The following ADAM20 variants were observed in gnomAD, a reference collection of about 807,000 sequenced individuals.
ADAM20 encodes ADAM metallopeptidase domain 20.
For synonymous variants in ADAM20, 305 were observed against 310.2 expected (o/e 0.98, Z 0.18); for missense variants, 871 against 883.2 (o/e 0.99, Z 0.18).
chr14:70,570,227 A>C, the ADAM20 span, among the ~76,000 whole-genome samples: 3 of 152,166 alleles, frequency 2.0e-5, no homozygotes, highest in Non-Finnish European at 4.4e-5. Context: ...TCATATCTAA[A>C]GGACTTAGGA....
At chr14:70,575,207 T>C in the ADAM20 span, among the ~76,000 whole-genome samples, 1 of 150,988 alleles carries the variant, frequency 6.6e-6, no homozygotes, top group Non-Finnish European at 1.5e-5. Context: ...TATATATATA[T>C]TTTTTGAGGC....
At chr14:70,538,515 T>TA (rs764802523), upstream of ADAM20, among the ~76,000 whole-genome samples, 42 of 152,254 alleles carry the variant, frequency 2.8e-4, no homozygotes, top group Non-Finnish European at 5.1e-4. Context: ...TTTCTCTTCA[T>TA]AAATCTTGTT....
In ADAM20 at chr14:70,524,633, A is replaced by C; in HGVS notation, c.125T>G (p.Val42Gly). The change falls in exon 2 of 2, where the codon GTG becomes GGG. Residue 42 changes from valine to glycine, a missense_variant. Coordinates refer to ENST00000256389, the MANE Select transcript of ADAM20 (RefSeq NM_003814.5). Reference protein sequence around the residue: ...RPSQYFTSPEVVIPLKVISRG... With the variant: ...RPSQYFTSPEGVIPLKVISRG... ...GCTGATCACCTTCAAAGGGATCACC[A>C]CTTCTGGAGAAGTGAAATACTGGGA... 6.2e-7 allele frequency: 1 copy of C among 1,613,996 alleles called. No individual in the cohort carries two copies. Among genetic ancestry groups the C allele is most frequent in the Non-Finnish European group, 8.5e-7 (1 of 1,179,948 alleles).
At chr14:70,532,569 A>G (rs1336820351) in intron 1 of ADAM20, among the ~76,000 whole-genome samples, 2 of 152,204 alleles carry the variant, frequency 1.3e-5, no homozygotes, top group Non-Finnish European at 2.9e-5. Flanking sequence ...TTACCATCCA[A>G]TGTTAATTGT....
chr14:70,568,888 A>G, the ADAM20 span, among the ~76,000 whole-genome samples: 1 of 152,168 alleles, frequency 6.6e-6, no homozygotes, highest in Admixed American at 6.5e-5. Context: ...ATTTGAGGAA[A>G]TAATTCAGGA....
chr14:70,570,384 T>A, the ADAM20 span, among the ~76,000 whole-genome samples: 1 of 151,972 alleles, frequency 6.6e-6, no homozygotes, highest in Admixed American at 6.6e-5. Context: ...CTAGCAAGAT[T>A]ACTCAAGAAA....
the ADAM20 span, among the ~76,000 whole-genome samples, chr14:70,577,024 A>G: frequency 6.6e-6 from 1 of 152,210 alleles, no homozygotes; most frequent in South Asian, 2.1e-4. Flanking sequence ...GCCTAGGTAC[A>G]AGAACAAGCA....
chr14:70,531,119 C>T (rs917548490), intron 1 of ADAM20, among the ~76,000 whole-genome samples: 9 of 151,820 alleles, frequency 5.9e-5, no homozygotes, highest in Non-Finnish European at 1.2e-4. Context: ...AAACAAAAAT[C>T]AGAAATGAAA....
intron 1 of ADAM20, among the ~76,000 whole-genome samples, chr14:70,526,147 T>C (rs1883585909): frequency 6.6e-6 from 1 of 152,226 alleles, no homozygotes; most frequent in African/African-American, 2.4e-5. Context: ...AAGTAAAAGC[T>C]AACTTTGCTC....
chr14:70,527,100 A>T (rs747473885), intron 1 of ADAM20, among the ~76,000 whole-genome samples: 2 of 152,198 alleles, frequency 1.3e-5, no homozygotes, highest in Non-Finnish European at 2.9e-5. Flanking sequence ...AAACTAAGCT[A>T]AATTTCTTAT....
Position 70,522,373 on chromosome 14 carries a change from C to G in ADAM20, c.*204G>C. Reference sequence around the variant, plus strand: ...AAGACACAACTTCTGGGAAAAGGAACCTTTAATATTGCTTAAGACACTGTA... The same window carrying G: ...AAGACACAACTTCTGGGAAAAGGAAGCTTTAATATTGCTTAAGACACTGTA... On this transcript the variant is annotated 3_prime_UTR_variant, in exon 2 of 2. Transcript: ENST00000256389. 2.0e-6 allele frequency: 1 copy of G among 505,560 alleles called. No individual in the cohort carries two copies. The highest frequency in any genetic ancestry group is 3.4e-6 in the Non-Finnish European group (1 of 296,650). The allele number at this position is 505,560 out of a possible 1,614,324, so 31.3% of individuals were successfully genotyped here.
At chr14:70,539,583 TC>T (rs1485694084), upstream of ADAM20, among the ~76,000 whole-genome samples, 1 of 152,242 alleles carries the variant, frequency 6.6e-6, no homozygotes, top group African/African-American at 2.4e-5. Context: ...ACATCCTGTT[TC>T]TATGGATTGT....
the ADAM20 span, among the ~76,000 whole-genome samples, chr14:70,561,914 T>C: frequency 2.0e-5 from 3 of 152,212 alleles, no homozygotes. Flanking sequence ...ATGGAGAATC[T>C]CTACTAGGGC....
rs770014559 is a variant in ADAM20 at position 70,523,940 on chromosome 14, T to C, written c.818A>G (p.Asp273Gly). 1.2e-6 allele frequency: 2 copies of C among 1,614,034 alleles called. No individual in the cohort carries two copies. Among genetic ancestry groups the C allele is most frequent in the Non-Finnish European group, 1.7e-6 (2 of 1,179,960 alleles). The change falls in exon 2 of 2, where the codon GAT (aspartate) becomes GGT (glycine). Residue 273 changes from aspartate (D) to glycine (G), a missense_variant. By Grantham distance (94) the Asp-to-Gly change is moderately conservative. Coordinates refer to ENST00000256389, the MANE Select transcript of ADAM20 (RefSeq NM_003814.5). Reference sequence around the variant, plus strand: ...AATAGAAAAGTCCTCTAAAACATTATCTAGGTCTCCACTGGTAGGAAGTGG... The same window carrying C: ...AATAGAAAAGTCCTCTAAAACATTACCTAGGTCTCCACTGGTAGGAAGTGG... ...SNPLPTSGDL[D>G]NVLEDFSIWK...
the ADAM20 span, among the ~76,000 whole-genome samples, chr14:70,549,151 GA>G: frequency 1.2e-5 from 1 of 86,416 alleles, no homozygotes; most frequent in African/African-American, 5.5e-5. Context: ...GCTCCTGAAG[GA>G]AGCGCTAAAC....
chr14:70,529,205 C>T (rs962266441), intron 1 of ADAM20, among the ~76,000 whole-genome samples: 3 of 152,110 alleles, frequency 2.0e-5, no homozygotes, highest in Non-Finnish European at 4.4e-5. Context: ...ACACACAGAA[C>T]ATTCTACCCA....
the ADAM20 span, among the ~76,000 whole-genome samples, chr14:70,541,652 T>A: frequency 6.6e-6 from 1 of 152,202 alleles, no homozygotes; most frequent in Admixed American, 6.5e-5. Flanking sequence ...TTGGCTTATT[T>A]GGTATAAAAG....
chr14:70,531,715 A>G (rs1026468719), intron 1 of ADAM20, among the ~76,000 whole-genome samples: 1 of 152,098 alleles, frequency 6.6e-6, no homozygotes, highest in African/African-American at 2.4e-5. Flanking sequence ...CTAACAATAA[A>G]TCACCTGAAA....
upstream of ADAM20, among the ~76,000 whole-genome samples, chr14:70,535,838 T>C (rs528998028): frequency 5.3e-5 from 8 of 152,162 alleles, no homozygotes; most frequent in Non-Finnish European, 2.9e-5. Flanking sequence ...ATAAAGTGGA[T>C]ATACTTTATA....
Sources: gnomAD v4.1 joint callset for allele counts (sites outside exome capture counted in the v4.1 genomes callset) on GRCh38, gnomAD v4.1.1 for gene constraint, MANE v1.5 for transcripts, NCBI Gene and HGNC (gene_info 2026-07-23, HGNC 2026-07-21) for gene names.